DAB1: variants seen among roughly 807,000 people sequenced by gnomAD.
DAB1 encodes the protein disabled homolog 1.
In DAB1, 15 loss-of-function variants were observed where a neutral mutation model predicts 64.6. The observed-to-expected ratio is 0.23, with a 90% CI of 0.16 to 0.36. The LOEUF is 0.36. DAB1 is among the 10% of genes least tolerant of loss of function. The probability of loss-of-function intolerance (pLI) is 1.00; values close to 1 mark genes in which losing one functional copy is unlikely to be tolerated. For missense variants in DAB1, 596 were observed against 706.7 expected, an observed-to-expected ratio of 0.84 and a Z score of 1.78; for synonymous variants, 235 against 251.9, an observed-to-expected ratio of 0.93 and a Z score of 0.64.
chr1:57,486,693 C>T (rs1247853052), intron 7 of DAB1, among the ~76,000 whole-genome samples: 2 of 151,996 alleles, frequency 1.3e-5, no homozygotes, highest in East Asian at 3.9e-4. Context: ...GATGGTAAAA[C>T]CCTCAGTGGG....
intron 5 of DAB1, among the ~76,000 whole-genome samples, chr1:58,085,212 T>C (rs1650230909): frequency 6.6e-6 from 1 of 152,192 alleles, no homozygotes; most frequent in Non-Finnish European, 1.5e-5. Context: ...CCCAATGCCC[T>C]TGTGGGATCT....
chr1:58,349,489 G>A (rs1417369815), intron 3 of DAB1, among the ~76,000 whole-genome samples: 2 of 151,474 alleles, frequency 1.3e-5, no homozygotes, highest in Admixed American at 6.6e-5. Flanking sequence ...TTTTAAGTTC[G>A]GGGTACATGT....
intron 4 of DAB1, among the ~76,000 whole-genome samples, chr1:58,286,425 G>A (rs559461328): frequency 6.6e-6 from 1 of 152,100 alleles, no homozygotes; most frequent in African/African-American, 2.4e-5. Flanking sequence ...ATCTGACAAA[G>A]GTCTAATATC....
chr1:58,061,101 G>A (rs764141917), intron 5 of DAB1, among the ~76,000 whole-genome samples: 1 of 152,116 alleles, frequency 6.6e-6, no homozygotes, highest in Non-Finnish European at 1.5e-5. Context: ...GCTCAGGAAC[G>A]TCCTCACTGA....
At chr1:57,905,330 A>G (rs1314274198) in intron 5 of DAB1, among the ~76,000 whole-genome samples, 1 of 151,976 alleles carries the variant, frequency 6.6e-6, no homozygotes. Context: ...GTATCACAGC[A>G]GTTGAGGTGA....
At chr1:57,692,889 T>C (rs1486577078) in intron 6 of DAB1, among the ~76,000 whole-genome samples, 1 of 152,134 alleles carries the variant, frequency 6.6e-6, no homozygotes, top group Non-Finnish European at 1.5e-5. Flanking sequence ...AGGAAAAGGC[T>C]TCTGAAATCA....
At chr1:57,249,145 T>C (rs1157734773) in intron 2 of DAB1, among the ~76,000 whole-genome samples, 2 of 152,180 alleles carry the variant, frequency 1.3e-5, no homozygotes, top group Non-Finnish European at 2.9e-5. Flanking sequence ...ACTTACGTTC[T>C]AGCCAAGGTA....
At chr1:58,407,955 G>A (rs1057087658) in intron 3 of DAB1, among the ~76,000 whole-genome samples, 6 of 152,060 alleles carry the variant, frequency 3.9e-5, no homozygotes, top group East Asian at 1.9e-4. Context: ...TCTTGGTCTC[G>A]GTTCCTACTA....
chr1:58,354,691 T>G (rs1228592001), intron 3 of DAB1, among the ~76,000 whole-genome samples: 1 of 152,150 alleles, frequency 6.6e-6, no homozygotes, highest in Non-Finnish European at 1.5e-5. Context: ...GGGAAGTCTG[T>G]CAAACAATCA....
intron 3 of DAB1, among the ~76,000 whole-genome samples, chr1:58,491,010 TG>T (rs1353489490): frequency 6.6e-6 from 1 of 151,720 alleles, no homozygotes; most frequent in Non-Finnish European, 1.5e-5. Context: ...GGTTTCACCA[TG>T]TTAGCCAGGA....
chr1:57,680,513 T>C (rs529666073), intron 6 of DAB1, among the ~76,000 whole-genome samples: 30 of 152,322 alleles, frequency 2.0e-4, no homozygotes, highest in African/African-American at 6.7e-4. Flanking sequence ...TGTGTTCTCC[T>C]TCCCTTATCT....
At chr1:57,184,988 A>G (rs575468628) in intron 2 of DAB1, among the ~76,000 whole-genome samples, 1 of 152,030 alleles carries the variant, frequency 6.6e-6, no homozygotes, top group Admixed American at 6.5e-5. Context: ...ACATTCGTAA[A>G]CTCACTGACT....
intron 6 of DAB1, among the ~76,000 whole-genome samples, chr1:57,667,533 T>G (rs893087214): frequency 1.3e-5 from 2 of 152,236 alleles, no homozygotes; most frequent in African/African-American, 4.8e-5. Flanking sequence ...CTGCCATGTC[T>G]CCAGAGACCA....
At chr1:57,873,988 CA>C (rs1643999892) in intron 1 of DAB1, 1 of 152,096 alleles carries the variant, frequency 6.6e-6, no homozygotes, top group Non-Finnish European at 1.5e-5. Context: ...CTCTTTGACA[CA>C]AGTCTCTGGT....
chr1:57,349,257 T>C (rs1052831423), intron 1 of DAB1, among the ~76,000 whole-genome samples: 4 of 152,200 alleles, frequency 2.6e-5, no homozygotes, highest in African/African-American at 9.6e-5. Flanking sequence ...ATATTTTCCA[T>C]CCCAAACCAT....
intron 2 of DAB1, among the ~76,000 whole-genome samples, chr1:58,519,804 G>A (rs951862792): frequency 6.6e-6 from 1 of 152,000 alleles, no homozygotes; most frequent in African/African-American, 2.4e-5. Context: ...ATGACAAAAT[G>A]GAGAATTTCA....
At chr1:57,381,456 G>A (rs1472019731) in intron 1 of DAB1, among the ~76,000 whole-genome samples, 1 of 152,162 alleles carries the variant, frequency 6.6e-6, no homozygotes, top group Admixed American at 6.5e-5. Flanking sequence ...TACTGATGAT[G>A]TGCAATGTCT....
At chr1:57,112,534 A>G (rs1489694759) in intron 4 of DAB1, among the ~76,000 whole-genome samples, 1 of 152,198 alleles carries the variant, frequency 6.6e-6, no homozygotes, top group African/African-American at 2.4e-5. Flanking sequence ...GAGCAAGCTG[A>G]AAATGTCTCT....
intron 5 of DAB1, among the ~76,000 whole-genome samples, chr1:57,951,943 T>C (rs1645288271): frequency 6.6e-6 from 1 of 152,210 alleles, no homozygotes; most frequent in Non-Finnish European, 1.5e-5. Context: ...TGAAAGATGA[T>C]GAGCTTTGGT....
Sources: allele counts gnomAD v4.1 joint callset (sites outside exome capture counted in the v4.1 genomes callset), GRCh38; gene constraint gnomAD v4.1.1; transcripts MANE v1.5; gene names NCBI Gene and HGNC (gene_info 2026-07-23, HGNC 2026-07-21).